Variants in FOCAD observed in about 807,000 individuals in gnomAD.
FOCAD encodes KIAA1797.
A neutral mutation model predicts 225.6 loss-of-function variants in FOCAD; 198 were observed. The ratio of observed to expected loss-of-function variants is 0.88; its 90% confidence interval spans 0.78 to 0.99. FOCAD has a LOEUF of 0.99. Among genes scored for constraint, FOCAD ranks in the 50% least tolerant of loss-of-function variants. FOCAD has a pLI of 0.00. For synonymous variants in FOCAD, 897 were observed against 755.0 expected, an observed-to-expected ratio of 1.19 and a Z score of -3.08; for missense variants, 2,713 against 2,123.6, an observed-to-expected ratio of 1.28 and a Z score of -5.46.
At chr9:20,720,355 C>G in intron 3 of FOCAD, 25 bp from the exon 4 acceptor site, 1 of 1,611,586 alleles carries the variant, frequency 6.2e-7, no homozygotes, top group Non-Finnish European at 8.5e-7. Flanking sequence ...TCAGAATTGT[C>G]TTCTAATCAC....
rs140608463 is a variant in FOCAD, at chr9:20,799,472, G to A, written c.1455+9864G>A. ...TGTTAAAGTCTCCCATTATTATTGT[G>A]TGGGAGTCTAAGTCTCTTTCTAGGT... is the stretch of plus-strand genomic sequence containing the variant. On this transcript the variant is annotated intron_variant, in intron 11 of 43. Coordinates refer to ENST00000338382, the MANE Select transcript of FOCAD (RefSeq NM_001375567.1). 1.0e-3 allele frequency among the ~76,000 whole-genome samples: 159 copies of A among 152,232 alleles called. 2 individuals are homozygous for A. The East Asian group carries it at 0.025, about 24-fold the overall frequency.
intron 15 of FOCAD, among the ~76,000 whole-genome samples, chr9:20,829,774 A>G (rs564443387): frequency 6.6e-6 from 1 of 152,228 alleles, no homozygotes; most frequent in Admixed American, 6.5e-5. Context: ...TTCACATGTA[A>G]CATTTTCTTT....
At chr9:20,768,248 G>T (rs1389296658) in intron 7 of FOCAD, among the ~76,000 whole-genome samples, 3 of 150,316 alleles carry the variant, frequency 2.0e-5, no homozygotes, top group Admixed American at 6.6e-5. Context: ...ATAGTTTGAA[G>T]TCAGGTAGTG....
chr9:20,663,927 A>G (rs1821818460), intron 2 of FOCAD, among the ~76,000 whole-genome samples: 1 of 152,182 alleles, frequency 6.6e-6, no homozygotes, highest in Admixed American at 6.5e-5. Context: ...TAATGTCATG[A>G]AGTAAATCAC....
At chr9:20,880,018 G>A (rs1376725713) in intron 19 of FOCAD, among the ~76,000 whole-genome samples, 1 of 152,126 alleles carries the variant, frequency 6.6e-6, no homozygotes, top group Non-Finnish European at 1.5e-5. Flanking sequence ...GCTGCATTCT[G>A]TAAAGTCTAT....
intron 18 of FOCAD, among the ~76,000 whole-genome samples, chr9:20,870,378 A>T (rs1042734903): frequency 1.3e-5 from 2 of 152,182 alleles, no homozygotes; most frequent in Admixed American, 6.5e-5. Context: ...TTGGATTTCC[A>T]TAGGTTACAG....
chr9:20,902,703 A>G (rs1832656915), intron 21 of FOCAD, among the ~76,000 whole-genome samples: 1 of 151,894 alleles, frequency 6.6e-6, no homozygotes, highest in Admixed American at 6.6e-5. Flanking sequence ...AATAAAGGAA[A>G]AAGTTGGGAC....
Position 20,833,095 on chromosome 9 carries a change from A to G in FOCAD, c.1920+9980A>G, listed in dbSNP as rs951389559. ...TAAGAACCTCTATACTGTTTTCTGT[A>G]ATAGCTGTACCAATCTGCATTCCCA... On this transcript the variant is annotated intron_variant, in intron 15 of 43. Coordinates refer to ENST00000338382, the MANE Select transcript of FOCAD (RefSeq NM_001375567.1). 2.8e-4 allele frequency among the ~76,000 whole-genome samples: 42 copies of G among 152,046 alleles called. 1 individual carries two copies. The highest frequency in any genetic ancestry group is 7.7e-4 in the African/African-American group (32 of 41,436).
intron 8 of FOCAD, among the ~76,000 whole-genome samples, chr9:20,775,920 T>C (rs1818711359): frequency 6.6e-6 from 1 of 151,974 alleles, no homozygotes; most frequent in African/African-American, 2.4e-5. Flanking sequence ...TATTGTATTT[T>C]ATTTATTTAT....
At position 20,978,474 on chromosome 9, in the gene FOCAD, G is replaced by A. The variant is rs368400322; in HGVS notation, c.4377+20G>A. ...CTGAGTGTATGTAGTAACTAAGGGT[G>A]TTGGCCAACAGGAGGATATTGTTCT... On this transcript the variant is annotated intron_variant, in intron 37 of 43. Transcript: ENST00000338382. 4.1e-5 allele frequency: 62 copies of A among 1,501,820 alleles called. No individual in the cohort carries two copies. The African/African-American group carries it at 6.9e-4, about 17-fold the overall frequency. 93.0% of individuals were successfully genotyped at this position (1,501,820 alleles called of 1,614,324 possible).
chr9:20,771,083 C>T (rs148671891), intron 8 of FOCAD, among the ~76,000 whole-genome samples: 307 of 152,250 alleles, frequency 2.0e-3, no homozygotes, highest in African/African-American at 7.2e-3. Context: ...GATTCGAAGA[C>T]TGAATGGAAT....
chr9:20,908,480 A>G (rs191457896), intron 22 of FOCAD, among the ~76,000 whole-genome samples: 2 of 152,132 alleles, frequency 1.3e-5, no homozygotes, highest in African/African-American at 2.4e-5. Flanking sequence ...AGGAATCTCC[A>G]TGTTTTACAA....
At chr9:20,919,955 G>C (rs1288624280) in intron 24 of FOCAD, among the ~76,000 whole-genome samples, 1 of 151,774 alleles carries the variant, frequency 6.6e-6, no homozygotes, top group Non-Finnish European at 1.5e-5. Flanking sequence ...AGCCAAAATT[G>C]ACAAATGGGA....
intron 5 of FOCAD, among the ~76,000 whole-genome samples, chr9:20,741,676 C>CT (rs10675694): frequency 0.12 from 10,193 of 87,034 alleles, 1,246 homozygotes; most frequent in African/African-American, 0.28. Context: ...GGTAAATATG[C>CT]TTTTTTTTTT....
chr9:20,817,058 A>C (rs1341876778), intron 11 of FOCAD, among the ~76,000 whole-genome samples: 1 of 152,182 alleles, frequency 6.6e-6, no homozygotes, highest in African/African-American at 2.4e-5. Flanking sequence ...GTAGATACTG[A>C]GGAATGACTG....
At chr9:20,977,118 C>A (rs1840295560) in intron 36 of FOCAD, among the ~76,000 whole-genome samples, 1 of 152,066 alleles carries the variant, frequency 6.6e-6, no homozygotes, top group African/African-American at 2.4e-5. Flanking sequence ...GACTTGTGGC[C>A]CCCTTTCTGC....
At chr9:20,828,101 C>T (rs1362855241) in intron 15 of FOCAD, among the ~76,000 whole-genome samples, 1 of 150,300 alleles carries the variant, frequency 6.7e-6, no homozygotes, top group Admixed American at 6.6e-5. Context: ...TGCAGTGAGC[C>T]ATGATTGCGC....
At chr9:20,981,908 C>T (rs976613504) in intron 38 of FOCAD, among the ~76,000 whole-genome samples, 2 of 152,176 alleles carry the variant, frequency 1.3e-5, no homozygotes, top group Admixed American at 6.5e-5. Flanking sequence ...TTAACCAGTG[C>T]TGCACCAGGA....
chr9:20,775,829 A>G (rs931268234), intron 8 of FOCAD, among the ~76,000 whole-genome samples: 3 of 152,156 alleles, frequency 2.0e-5, no homozygotes, highest in African/African-American at 7.2e-5. Context: ...GGCTGAGTAT[A>G]AAGGCATTTA....
Sources: allele counts gnomAD v4.1 joint callset (sites outside exome capture counted in the v4.1 genomes callset), GRCh38; gene constraint gnomAD v4.1.1; transcripts MANE v1.5; gene names NCBI Gene and HGNC (gene_info 2026-07-23, HGNC 2026-07-21).